ZNF469: variants seen among roughly 807,000 people sequenced by gnomAD.
The protein encoded by ZNF469 is zinc finger protein 469.
ZNF469 carries 1 observed loss-of-function variant against 1.0 expected under a neutral mutation model. That is an observed-to-expected ratio of 1.00 (90% CI 0.35 to 4.73). ZNF469 has a LOEUF of 4.73. Among genes scored for constraint, ZNF469 ranks in the 30% most tolerant of loss-of-function variants. The probability of loss-of-function intolerance (pLI) is 0.16; values close to 1 mark genes in which losing one functional copy is unlikely to be tolerated. For synonymous variants in ZNF469, 2,703 were observed against 2,363.4 expected (o/e 1.14, Z -4.17); for missense variants, 6,100 against 5,356.3 (o/e 1.14, Z -4.33).
the ZNF469 span, among the ~76,000 whole-genome samples, chr16:88,301,129 A>C: frequency 6.6e-6 from 1 of 151,584 alleles, no homozygotes; most frequent in Non-Finnish European, 1.5e-5. Context: ...GAGAGGATGG[A>C]AGATAACTCC....
the ZNF469 span, among the ~76,000 whole-genome samples, chr16:88,302,165 A>C: frequency 6.6e-6 from 1 of 152,120 alleles, no homozygotes; most frequent in Non-Finnish European, 1.5e-5. Flanking sequence ...TCGGGGGGTA[A>C]CCGACGCCAG....
At chr16:88,148,197 C>G in the ZNF469 span, among the ~76,000 whole-genome samples, 74 of 152,286 alleles carry the variant, frequency 4.9e-4, no homozygotes, top group African/African-American at 1.7e-3. Flanking sequence ...AATGTGTGTT[C>G]ACTCACCAAC....
At chr16:88,250,599 A>G in the ZNF469 span, among the ~76,000 whole-genome samples, 160 of 141,260 alleles carry the variant, frequency 1.1e-3, no homozygotes, top group East Asian at 2.9e-3. Context: ...CTGGAATTCC[A>G]TTTCCACATA....
intron 1 of ZNF469, among the ~76,000 whole-genome samples, chr16:88,412,090 G>A (rs1049092079): frequency 3.9e-5 from 6 of 152,220 alleles, no homozygotes; most frequent in Non-Finnish European, 5.9e-5. Flanking sequence ...CGGGGGGTCC[G>A]GAGAGGCAGT....
At chr16:88,163,535 TGG>T in the ZNF469 span, among the ~76,000 whole-genome samples, 2 of 146,908 alleles carry the variant, frequency 1.4e-5, no homozygotes, top group Non-Finnish European at 3.0e-5. Flanking sequence ...GATGGATGGA[TGG>T]ATTGGTAAGT....
At chr16:88,354,507 G>A in the ZNF469 span, among the ~76,000 whole-genome samples, 3 of 152,248 alleles carry the variant, frequency 2.0e-5, no homozygotes, top group East Asian at 1.9e-4. Context: ...CCTGGGGTGA[G>A]CCACAGGAGC....
the ZNF469 span, among the ~76,000 whole-genome samples, chr16:88,225,578 G>A: frequency 3.5e-5 from 5 of 144,718 alleles, no homozygotes; most frequent in African/African-American, 7.4e-5. Flanking sequence ...GCCCTCTGCC[G>A]CAGCCTGTGT....
At chr16:88,285,556 C>G in the ZNF469 span, among the ~76,000 whole-genome samples, 9 of 152,264 alleles carry the variant, frequency 5.9e-5, no homozygotes, top group Non-Finnish European at 8.8e-5. Context: ...GCAGCTGACA[C>G]GGCACCCAGG....
chr16:88,303,697 T>G, the ZNF469 span, among the ~76,000 whole-genome samples: 1 of 152,204 alleles, frequency 6.6e-6, no homozygotes, highest in African/African-American at 2.4e-5. Flanking sequence ...AGCCAAGCCA[T>G]GAGCCTCTTA....
the ZNF469 span, among the ~76,000 whole-genome samples, chr16:88,114,335 C>T: frequency 2.1e-4 from 30 of 143,060 alleles, no homozygotes; most frequent in African/African-American, 7.5e-4. Flanking sequence ...ACCACACTCA[C>T]TGACTGCGGG....
At chr16:88,120,089 G>A in the ZNF469 span, among the ~76,000 whole-genome samples, 1 of 152,230 alleles carries the variant, frequency 6.6e-6, no homozygotes, top group Non-Finnish European at 1.5e-5. Context: ...GGTAGAGTGT[G>A]CTGAGGCCAG....
chr16:88,222,802 T>C, the ZNF469 span, among the ~76,000 whole-genome samples: 1 of 151,968 alleles, frequency 6.6e-6, no homozygotes, highest in Non-Finnish European at 1.5e-5. Context: ...TCTTGCTATA[T>C]TGCCCAAGCA....
chr16:88,185,673 GC>G, the ZNF469 span, among the ~76,000 whole-genome samples: 1 of 148,306 alleles, frequency 6.7e-6, no homozygotes, highest in Non-Finnish European at 1.5e-5. Flanking sequence ...ACACTCATGT[GC>G]CCAGACCCAC....
the ZNF469 span, among the ~76,000 whole-genome samples, chr16:88,168,109 A>G: frequency 4.6e-5 from 7 of 152,232 alleles, no homozygotes; most frequent in Non-Finnish European, 1.0e-4. The surrounding 1 kb of genome is among the most constrained non-coding windows in gnomAD (Gnocchi z 4.3). Flanking sequence ...ACAGTTTTGT[A>G]AGAGCTAATT....
chr16:88,307,085 A>G, the ZNF469 span, among the ~76,000 whole-genome samples: 2 of 152,194 alleles, frequency 1.3e-5, no homozygotes, highest in Non-Finnish European at 2.9e-5. Flanking sequence ...CATTTCATAG[A>G]AATGGGATCA....
Position 88,433,480 on chromosome 16 carries a change from G to A in ZNF469, c.6010G>A (p.Glu2004Lys), listed in dbSNP as rs1329634877. 30 of 1,550,426 alleles carry A rather than the reference G, an allele frequency of 1.9e-5. No individual in the cohort carries two copies. Among genetic ancestry groups the A allele is most frequent in the Non-Finnish European group, 1.6e-5 (18 of 1,146,960 alleles). The change falls in exon 3 of 3, where the codon GAG (glutamate) becomes AAG (lysine). Residue 2004 changes from glutamate (E) to lysine (K), a missense_variant. Glu to Lys is a moderately conservative substitution (Grantham distance 56, BLOSUM62 1). Transcript: ENST00000565624. Reference protein sequence around the residue: ...GQGTANQLQPENGVSPGGTDN... With the variant: ...GQGTANQLQPKNGVSPGGTDN... ...AGGCACAGCCAACCAGCTTCAGCCAGAGAACGGGGTGAGCCCAGGGGGCAC... is the reference window on the plus strand; with the variant it reads ...AGGCACAGCCAACCAGCTTCAGCCAAAGAACGGGGTGAGCCCAGGGGGCAC...
At chr16:88,350,897 C>A in the ZNF469 span, among the ~76,000 whole-genome samples, 2 of 152,246 alleles carry the variant, frequency 1.3e-5, no homozygotes, top group African/African-American at 4.8e-5. Context: ...AAGGACCCAG[C>A]CCCGCCAACA....
chr16:88,214,106 G>A, the ZNF469 span, among the ~76,000 whole-genome samples: 2 of 152,162 alleles, frequency 1.3e-5, no homozygotes, highest in Non-Finnish European at 2.9e-5. Flanking sequence ...GCTTAACAGG[G>A]AACTGTGTGT....
chr16:88,307,321 G>A, the ZNF469 span, among the ~76,000 whole-genome samples: 39 of 152,334 alleles, frequency 2.6e-4, 1 homozygote, highest in Middle Eastern at 3.4e-3. Context: ...CCGTTTTTAT[G>A]TGAACAAAGG....
Sources: gnomAD v4.1 joint callset for allele counts (sites outside exome capture counted in the v4.1 genomes callset) on GRCh38, gnomAD v4.1.1 for gene constraint, Gnocchi (gnomAD v3.1) non-coding constraint, MANE v1.5 for transcripts, NCBI Gene and HGNC (gene_info 2026-07-23, HGNC 2026-07-21) for gene names.